RBFOX1: variants seen among roughly 807,000 people sequenced by gnomAD.
RBFOX1 encodes RNA binding protein fox-1 homolog 1.
In RBFOX1, 8 loss-of-function variants were observed where a neutral mutation model predicts 57.7. That is an observed-to-expected ratio of 0.14 (90% CI 0.08 to 0.25). The LOEUF (loss-of-function observed/expected upper bound fraction) is 0.25, where lower values mean the gene tolerates loss of function less well. RBFOX1 is among the 10% of genes least tolerant of loss of function. RBFOX1 has a pLI of 1.00. For missense variants in RBFOX1, 611 were observed against 548.5 expected, an observed-to-expected ratio of 1.11 and a Z score of -1.14; for synonymous variants, 326 against 222.4, an observed-to-expected ratio of 1.47 and a Z score of -4.15.
intron 2 of RBFOX1, among the ~76,000 whole-genome samples, chr16:6,623,610 A>G (rs909467737): frequency 6.6e-6 from 1 of 151,834 alleles, no homozygotes; most frequent in Non-Finnish European, 1.5e-5. Flanking sequence ...ACACCCCACA[A>G]CAGGCCCCGG....
intron 4 of RBFOX1, among the ~76,000 whole-genome samples, chr16:5,889,754 C>G (rs2058000343): frequency 6.6e-6 from 1 of 152,136 alleles, no homozygotes; most frequent in Non-Finnish European, 1.5e-5. Flanking sequence ...GGGAAGGCCT[C>G]TTTGAGGAAC....
chr16:6,859,991 C>G (rs868568931), intron 3 of RBFOX1, among the ~76,000 whole-genome samples: 19 of 152,230 alleles, frequency 1.2e-4, no homozygotes, highest in Middle Eastern at 6.8e-3. Flanking sequence ...TTGGTTTTTG[C>G]TCATTGACTG....
At chr16:5,400,718 G>A (rs2066692160) in intron 1 of RBFOX1, among the ~76,000 whole-genome samples, 1 of 151,614 alleles carries the variant, frequency 6.6e-6, no homozygotes, top group South Asian at 2.1e-4. Context: ...AGGATTCCCA[G>A]TGTATTTTGT....
At chr16:5,242,982 T>TGGTGGGG (rs1208345943) in intron 1 of RBFOX1, among the ~76,000 whole-genome samples, 1 of 64,144 alleles carries the variant, frequency 1.6e-5, no homozygotes, top group Admixed American at 2.1e-4. Flanking sequence ...GGTGGGGACG[T>TGGTGGGG]GGTGGGGGGT....
At chr16:6,574,340 T>A (rs1187375326) in intron 2 of RBFOX1, among the ~76,000 whole-genome samples, 1 of 151,804 alleles carries the variant, frequency 6.6e-6, no homozygotes, top group African/African-American at 2.4e-5. Context: ...GTTCTCTGCC[T>A]GTGCGTCAGT....
At chr16:5,621,183 T>G (rs12927493) in intron 3 of RBFOX1, among the ~76,000 whole-genome samples, 13,292 of 152,226 alleles carry the variant, frequency 0.087, 1,369 homozygotes, top group East Asian at 0.42. Flanking sequence ...TTCCTGTGTT[T>G]CCCGGCTGGT....
chr16:5,933,723 T>A (rs1270252103), intron 4 of RBFOX1, among the ~76,000 whole-genome samples: 1 of 152,084 alleles, frequency 6.6e-6, no homozygotes, highest in African/African-American at 2.4e-5. Flanking sequence ...GGTAGAAGAT[T>A]AATGAGCTCA....
At chr16:6,599,202 G>A (rs554894515) in intron 2 of RBFOX1, among the ~76,000 whole-genome samples, 7 of 152,038 alleles carry the variant, frequency 4.6e-5, no homozygotes, top group Admixed American at 2.6e-4. Context: ...ATCCAAAGAC[G>A]TGTTGCAAAT....
intron 2 of RBFOX1, among the ~76,000 whole-genome samples, chr16:6,533,722 A>G (rs1418100677): frequency 6.6e-6 from 1 of 152,142 alleles, no homozygotes; most frequent in African/African-American, 2.4e-5. Flanking sequence ...GTAGACACAA[A>G]TTAACTGAAG....
chr16:6,730,016 A>G (rs2068143250), intron 3 of RBFOX1, among the ~76,000 whole-genome samples: 1 of 152,104 alleles, frequency 6.6e-6, no homozygotes, highest in South Asian at 2.1e-4. Context: ...CTAGGAAGTA[A>G]TTTGGAGAGC....
intron 1 of RBFOX1, chr16:6,090,121 C>G (rs1340388225): frequency 6.6e-6 from 1 of 152,230 alleles, no homozygotes; most frequent in African/African-American, 2.4e-5. Flanking sequence ...CTTCTTCCAT[C>G]TTCAAAGCCA....
At chr16:5,811,084 A>C (rs562081445) in intron 3 of RBFOX1, among the ~76,000 whole-genome samples, 5 of 151,602 alleles carry the variant, frequency 3.3e-5, no homozygotes, top group Non-Finnish European at 7.4e-5. Flanking sequence ...CTGCTTTCTA[A>C]ATCCGTACAT....
intron 2 of RBFOX1, among the ~76,000 whole-genome samples, chr16:6,637,287 A>G (rs866215215): frequency 1.7e-5 from 1 of 60,300 alleles, no homozygotes; most frequent in Admixed American, 3.0e-4. Flanking sequence ...TATTATATAT[A>G]ATATATAATA....
intron 3 of RBFOX1, among the ~76,000 whole-genome samples, chr16:6,736,737 T>C (rs1173775353): frequency 6.6e-6 from 1 of 152,214 alleles, no homozygotes; most frequent in Non-Finnish European, 1.5e-5. Context: ...ATCTCCACAC[T>C]GGGAAAACCA....
intron 1 of RBFOX1, among the ~76,000 whole-genome samples, chr16:6,252,289 A>C (rs1170269912): frequency 6.6e-6 from 1 of 152,200 alleles, no homozygotes; most frequent in African/African-American, 2.4e-5. Flanking sequence ...TGGGCTATTC[A>C]ATGAGGAGTC....
chr16:5,428,122 C>CTGTGTGTG (rs3084227), intron 1 of RBFOX1, among the ~76,000 whole-genome samples: 1 of 141,766 alleles, frequency 7.1e-6, no homozygotes, highest in Non-Finnish European at 1.6e-5. Flanking sequence ...GTGTGTGTGT[C>CTGTGTGTG]TGTGTGTGTG....
chr16:7,208,082 C>T (rs543044628), intron 4 of RBFOX1, among the ~76,000 whole-genome samples: 2 of 152,154 alleles, frequency 1.3e-5, no homozygotes, highest in African/African-American at 2.4e-5. Context: ...AACAGGGAAG[C>T]AAGAGCAACT....
chr16:5,518,735 G>A (rs944123723), intron 2 of RBFOX1, among the ~76,000 whole-genome samples: 13 of 152,138 alleles, frequency 8.5e-5, no homozygotes, highest in Non-Finnish European at 1.6e-4. Flanking sequence ...ACTGTGAAGC[G>A]AAGGTCCCTG....
At chr16:6,959,338 T>G (rs752267769) in intron 3 of RBFOX1, among the ~76,000 whole-genome samples, 1 of 152,294 alleles carries the variant, frequency 6.6e-6, no homozygotes, top group Admixed American at 6.5e-5. Context: ...AACTATTGTT[T>G]TCAATACATC....
Sources: gnomAD v4.1 joint callset for allele counts (sites outside exome capture counted in the v4.1 genomes callset) on GRCh38, gnomAD v4.1.1 for gene constraint, MANE v1.5 for transcripts, NCBI Gene and HGNC (gene_info 2026-07-23, HGNC 2026-07-21) for gene names.